Variants in DLG2 observed in about 807,000 individuals in gnomAD.
DLG2 encodes disks large homolog 2.
Under a neutral mutation model 132.5 loss-of-function variants are expected in DLG2, and 45 were observed. The ratio of observed to expected loss-of-function variants is 0.34; its 90% confidence interval spans 0.27 to 0.44. The LOEUF is 0.44. Ranked by LOEUF, DLG2 falls within the 20% of genes least tolerant of loss-of-function variation. DLG2 has a pLI of 1.00. For missense variants in DLG2, 1,045 were observed against 1,196.9 expected (o/e 0.87, Z 1.87); for synonymous variants, 424 against 419.6 (o/e 1.01, Z -0.13).
chr11:83,851,424 A>C (rs960323944), intron 16 of DLG2, among the ~76,000 whole-genome samples: 56 of 151,874 alleles, frequency 3.7e-4, no homozygotes, highest in African/African-American at 1.4e-3. Flanking sequence ...CGGGAGTTCG[A>C]GACTAGCTTG....
chr11:84,429,186 T>G lies in DLG2; in HGVS notation c.519+105384A>C, dbSNP rs117645147. Among the ~76,000 whole-genome samples the G allele has an allele frequency of 3.3e-5, 5 of 152,350 alleles. No individual in the cohort carries two copies. The East Asian group carries it at 9.6e-4, about 29-fold the overall frequency. ...TCCAGACCTTTTGTGTATAGTCATT[T>G]GGCATAAATGTTCTGTTTCATCTAG... On this transcript the variant is annotated intron_variant, in intron 7 of 27. Coordinates refer to ENST00000376104, the MANE Select transcript of DLG2 (RefSeq NM_001142699.3).
intron 19 of DLG2, among the ~76,000 whole-genome samples, chr11:83,560,996 C>T (rs1418985560): frequency 8.6e-6 from 1 of 115,774 alleles, no homozygotes; most frequent in Non-Finnish European, 1.8e-5. Flanking sequence ...AGGGAAACCT[C>T]AGGAAACTTA....
At chr11:85,371,241 A>G (rs2084951162) in intron 3 of DLG2, among the ~76,000 whole-genome samples, 1 of 152,194 alleles carries the variant, frequency 6.6e-6, no homozygotes. Flanking sequence ...AGTTAACTAA[A>G]TGGACTGAAC....
At chr11:84,500,254 A>G (rs937976896) in intron 7 of DLG2, among the ~76,000 whole-genome samples, 1 of 152,048 alleles carries the variant, frequency 6.6e-6, no homozygotes, top group Non-Finnish European at 1.5e-5. Flanking sequence ...TCCTGATTAG[A>G]TAGCTGGAAG....
At position 84,153,369 on chromosome 11, in the gene DLG2, AT is replaced by A. The variant is rs775295382; in HGVS notation, c.624+10091del. On this transcript the variant is annotated intron_variant, in intron 9 of 27. Coordinates refer to ENST00000376104, the MANE Select transcript of DLG2 (RefSeq NM_001142699.3). The stretch of plus-strand genomic sequence containing the variant: ...TGCAGCGGTTTTCTGTATTTCTTGA[AT>A]TTGCCTGTCAACCTCTCTAGTGAAA... Among the ~76,000 whole-genome samples the A allele has an allele frequency of 3.0e-3, 452 of 152,028 alleles. 9 individuals are homozygous for A. The highest frequency in any genetic ancestry group is 0.024 in the Middle Eastern group (7 of 294).
chr11:85,536,182 C>G (rs1431210605), intron 3 of DLG2, among the ~76,000 whole-genome samples: 2 of 141,484 alleles, frequency 1.4e-5, no homozygotes, highest in African/African-American at 5.3e-5. Context: ...CACCATTGAA[C>G]TCCAGCCTGG....
intron 15 of DLG2, among the ~76,000 whole-genome samples, chr11:83,900,527 A>G (rs1451334094): frequency 2.0e-5 from 3 of 152,212 alleles, no homozygotes; most frequent in Non-Finnish European, 4.4e-5. Context: ...CATGGCTAAA[A>G]GAGGCCAACA....
chr11:84,896,664 C>T (rs1000056329), intron 6 of DLG2, among the ~76,000 whole-genome samples: 2 of 151,866 alleles, frequency 1.3e-5, no homozygotes, highest in Non-Finnish European at 2.9e-5. Flanking sequence ...TTTTGTATTC[C>T]ATGGTGTCAG....
rs184175776 is a variant in DLG2 at position 85,264,947 on chromosome 11, G to A, written c.186+20273C>T. 2.4e-3 allele frequency among the ~76,000 whole-genome samples: 365 copies of A among 152,258 alleles called. 1 individual carries two copies. The highest frequency in any genetic ancestry group is 4.3e-3 in the Non-Finnish European group (294 of 68,030). ...TTAATCTGATCCTGTCTATGATCCA[G>A]TCTTACCTTCTATCATCCTCCACTT... On this transcript the variant is annotated intron_variant, in intron 4 of 27. Coordinates refer to ENST00000376104, the MANE Select transcript of DLG2 (RefSeq NM_001142699.3).
Position 85,060,169 on chromosome 11 carries a change from C to T in DLG2, c.357+51492G>A, listed in dbSNP as rs576157598. Among the ~76,000 whole-genome samples the T allele has an allele frequency of 8.6e-5, 13 of 151,534 alleles. No individual in the cohort carries two copies. The East Asian group carries it at 2.5e-3, about 30-fold the overall frequency. On this transcript the variant is annotated intron_variant, in intron 6 of 27. Coordinates refer to ENST00000376104, the MANE Select transcript of DLG2 (RefSeq NM_001142699.3). ...TCAGTGAGTTTGGCGACTTTAGACA[C>T]TTCACATAACTGGAATTATGCAGTA...
chr11:84,492,231 G>T (rs1287262947), intron 7 of DLG2, among the ~76,000 whole-genome samples: 5 of 152,058 alleles, frequency 3.3e-5, no homozygotes, highest in Admixed American at 1.3e-4. Flanking sequence ...ATGTTCTGAA[G>T]AATTTTTCTG....
At position 85,020,530 on chromosome 11, in the gene DLG2, T is replaced by C. The variant is rs1242915748; in HGVS notation, c.357+91131A>G. 2.0e-5 allele frequency among the ~76,000 whole-genome samples: 3 copies of C among 152,322 alleles called. No homozygotes were observed. The East Asian group carries it at 5.8e-4, about 29-fold the overall frequency. Reference sequence around the variant, plus strand: ...TTTTGGTGTTTTAGTCATGAAGTCCTTGCCCATGCCTATGTCCTGAATGGT... The same window carrying C: ...TTTTGGTGTTTTAGTCATGAAGTCCCTGCCCATGCCTATGTCCTGAATGGT... On this transcript the variant is annotated intron_variant, in intron 6 of 27. Transcript: ENST00000376104.
intron 5 of DLG2, among the ~76,000 whole-genome samples, chr11:85,140,558 C>A (rs182267549): frequency 1.3e-5 from 2 of 150,830 alleles, no homozygotes; most frequent in Non-Finnish European, 3.0e-5. Context: ...ACCTCAGGAA[C>A]TTATTTTTTT....
intron 11 of DLG2, among the ~76,000 whole-genome samples, chr11:83,993,051 C>G (rs1197121121): frequency 6.6e-6 from 1 of 151,986 alleles, no homozygotes; most frequent in Non-Finnish European, 1.5e-5. Context: ...GGTTTTTTTC[C>G]TCCAGTAATT....
At chr11:85,460,781 T>A (rs527784372) in intron 3 of DLG2, among the ~76,000 whole-genome samples, 1 of 152,232 alleles carries the variant, frequency 6.6e-6, no homozygotes, top group Admixed American at 6.5e-5. Context: ...TCTAGTATCT[T>A]GATCTTTGTA....
intron 7 of DLG2, among the ~76,000 whole-genome samples, chr11:84,327,700 C>T (rs908690341): frequency 6.6e-6 from 1 of 152,192 alleles, no homozygotes; most frequent in African/African-American, 2.4e-5. Flanking sequence ...ATACTCTACT[C>T]TTTTACTCTT....
intron 7 of DLG2, among the ~76,000 whole-genome samples, chr11:84,445,180 T>TA (rs1414385989): frequency 6.6e-6 from 1 of 152,194 alleles, no homozygotes; most frequent in Non-Finnish European, 1.5e-5. Context: ...TCATTATTAT[T>TA]ATCACCATTA....
At chr11:83,551,128 T>C (rs924598966) in intron 19 of DLG2, among the ~76,000 whole-genome samples, 3 of 152,132 alleles carry the variant, frequency 2.0e-5, no homozygotes, top group African/African-American at 7.2e-5. Flanking sequence ...TGGGCTTCTG[T>C]ATATGAAAAA....
chr11:84,041,665 TAG>T (rs1156526912), intron 11 of DLG2, among the ~76,000 whole-genome samples: 2 of 152,042 alleles, frequency 1.3e-5, no homozygotes, highest in African/African-American at 4.8e-5. Flanking sequence ...AATTTTAATA[TAG>T]GTCAATTTAC....
Sources: allele counts gnomAD v4.1 joint callset (sites outside exome capture counted in the v4.1 genomes callset), GRCh38; gene constraint gnomAD v4.1.1; transcripts MANE v1.5; gene names NCBI Gene and HGNC (gene_info 2026-07-23, HGNC 2026-07-21).